Variants in IMPDH1 observed in about 807,000 individuals in gnomAD.
The protein encoded by IMPDH1 is inosine monophosphate dehydrogenase 1, also known as inosine-5'-monophosphate dehydrogenase 1.
IMPDH1 carries 41 observed loss-of-function variants against 73.5 expected under a neutral mutation model. The observed-to-expected ratio is 0.56, with a 90% CI of 0.43 to 0.72. The LOEUF (loss-of-function observed/expected upper bound fraction) is 0.72. Among genes scored for constraint, IMPDH1 ranks in the 30% least tolerant of loss-of-function variants. The probability of loss-of-function intolerance (pLI) is 0.00; values close to 1 mark genes in which losing one functional copy is unlikely to be tolerated. For missense variants in IMPDH1, 645 were observed against 824.8 expected (o/e 0.78, Z 2.67); for synonymous variants, 318 against 334.3 (o/e 0.95, Z 0.53).
rs1797759633 is a variant in IMPDH1, at chr7:128,394,404, G to GGCCT, written c.1695-44_1695-43insAGGC. ...GGAGCAGATCAGGGCCACCAAGGGTGGAGAAGAGCGAGAGAAAGGAAGCAG... is the reference window on the plus strand; with the variant it reads ...GGAGCAGATCAGGGCCACCAAGGGTGGCCTGAGAAGAGCGAGAGAAAGGAAGCAG... On this transcript the variant is annotated intron_variant, in intron 15 of 16. Coordinates refer to ENST00000338791, the MANE Select transcript of IMPDH1 (RefSeq NM_000883.4). The surrounding 1 kb of genome is among the most constrained non-coding windows in gnomAD (Gnocchi z 5.5). 2 of 1,613,436 alleles carry GGCCT rather than the reference G, an allele frequency of 1.2e-6. No homozygotes were observed. The highest frequency in any genetic ancestry group is 1.7e-6 in the Non-Finnish European group (2 of 1,179,564).
intron 4 of IMPDH1, among the ~76,000 whole-genome samples, chr7:128,404,471 G>T (rs199507922): frequency 6.6e-6 from 1 of 152,292 alleles, no homozygotes; most frequent in East Asian, 1.9e-4. Context: ...ACATCTAGGT[G>T]CAGGGTCACA....
chr7:128,406,112 G>A (rs1276854737), intron 3 of IMPDH1: 1 of 135,858 alleles, frequency 7.4e-6, no homozygotes, highest in African/African-American at 2.7e-5. Flanking sequence ...GCCGCACAAA[G>A]GGCTCAGCCG....
chr7:128,399,987 C>T, intron 9 of IMPDH1, 108 bp downstream of exon 9: 1 of 903,104 alleles, frequency 1.1e-6, no homozygotes, highest in East Asian at 2.4e-5. Context: ...GAACCTTCCC[C>T]AGGGCTCAGT....
At chr7:128,406,970 G>C (rs541291839) in intron 3 of IMPDH1, among the ~76,000 whole-genome samples, 10 of 152,314 alleles carry the variant, frequency 6.6e-5, no homozygotes, top group Admixed American at 2.6e-4. Context: ...TCTACATGGG[G>C]GCAGTGACTG....
At chr7:128,402,228 G>A (rs575513350) in intron 5 of IMPDH1, among the ~76,000 whole-genome samples, 5 of 151,802 alleles carry the variant, frequency 3.3e-5, no homozygotes, top group Non-Finnish European at 5.9e-5. Context: ...TCAGCCTCCC[G>A]AGTAGCTGGG....
chr7:128,395,414 T>A, intron 12 of IMPDH1, 140 bp from the exon 13 acceptor site: 1 of 1,004,248 alleles, frequency 1.0e-6, no homozygotes, highest in Non-Finnish European at 1.5e-6. Flanking sequence ...GTCTGAGGCA[T>A]AACATAGGTG....
chr7:128,396,072 C>A lies in IMPDH1; in HGVS notation c.1261+528G>T, dbSNP rs1284207178. Among the ~76,000 whole-genome samples the A allele has an allele frequency of 2.0e-5, 3 of 152,118 alleles. No individual in the cohort carries two copies. Among genetic ancestry groups the A allele is most frequent in the African/African-American group, 7.2e-5 (3 of 41,414 alleles). ...ACCCAAGTCTTCCAGGCAGCCACCC[C>A]ACAAGTCAGATACCAGCCTCCAGGG... On this transcript the variant is annotated intron_variant, in intron 12 of 16. Coordinates refer to ENST00000338791, the MANE Select transcript of IMPDH1 (RefSeq NM_000883.4). The surrounding 1 kb of genome is among the most constrained non-coding windows in gnomAD (Gnocchi z 4.0).
intron 12 of IMPDH1, among the ~76,000 whole-genome samples, chr7:128,395,875 C>T (rs1486716338): frequency 6.6e-6 from 1 of 152,230 alleles, no homozygotes; most frequent in Non-Finnish European, 1.5e-5. Context: ...AGAGGGCCCT[C>T]ATTTCACCAT....
chr7:128,406,071 C>T (rs1413430148), intron 3 of IMPDH1: 9 of 171,368 alleles, frequency 5.3e-5, no homozygotes, highest in Non-Finnish European at 7.9e-5. Flanking sequence ...CCCTTCTCGC[C>T]CCTCCCGCGG....
Position 128,409,915 on chromosome 7 carries a change from C to G in IMPDH1, c.-14G>C. On this transcript the variant is annotated 5_prime_UTR_variant, in exon 1 of 17. Coordinates refer to ENST00000338791, the MANE Select transcript of IMPDH1 (RefSeq NM_000883.4). ...TGGCCCCTCCATGCGGAGGCCGCAGCTCAGGGCGGGCGGGAGCCTGGAGGC... is the reference window on the plus strand; with the variant it reads ...TGGCCCCTCCATGCGGAGGCCGCAGGTCAGGGCGGGCGGGAGCCTGGAGGC... 7.3e-7 allele frequency: 1 copy of G among 1,377,946 alleles called. No homozygotes were observed. The highest frequency in any genetic ancestry group is 1.7e-5 in the South Asian group (1 of 60,034). 85.4% of individuals were successfully genotyped at this position (1,377,946 alleles called of 1,614,324 possible).
intron 4 of IMPDH1, among the ~76,000 whole-genome samples, chr7:128,404,074 C>A (rs1798532589): frequency 6.6e-6 from 1 of 152,232 alleles, no homozygotes; most frequent in East Asian, 1.9e-4. Context: ...TATCGCCACA[C>A]ACAGCAGACA....
At chr7:128,402,876 C>A (rs951965110) in intron 5 of IMPDH1, among the ~76,000 whole-genome samples, 1 of 152,138 alleles carries the variant, frequency 6.6e-6, no homozygotes, top group East Asian at 1.9e-4. Flanking sequence ...CAAGGCACTG[C>A]GTTTCCTTGT....
At position 128,394,939 on chromosome 7, in the gene IMPDH1, G is replaced by A; in HGVS notation, c.1500C>T (p.Gly500=). 1 of 1,613,490 alleles carries A rather than the reference G, an allele frequency of 6.2e-7. No individual in the cohort carries two copies. The highest frequency in any genetic ancestry group is 8.5e-7 in the Non-Finnish European group (1 of 1,180,010). Residue 500 remains glycine, a synonymous_variant, in exon 14 of 17, where the codon GGC becomes GGT. Transcript: ENST00000338791. This position sits in a 1 kb window ranked among gnomAD's most constrained non-coding sequence, Gnocchi z 5.5. ...GVRLKKYRGM[G]SLDAMEKSSS... ...TGCTCTTCTCCATGGCATCCAGTGA[G>A]CCCATGCCCCGGTACTTCTTGAGCC...
In IMPDH1 at chr7:128,396,514, TG is replaced by T; in HGVS notation, c.1261+85del. On this transcript the variant is annotated intron_variant, in intron 12 of 16. Coordinates refer to ENST00000338791, the MANE Select transcript of IMPDH1 (RefSeq NM_000883.4). This position sits in a 1 kb window ranked among gnomAD's most constrained non-coding sequence, Gnocchi z 4.0. ...GAGCCTACCATGGCAGAACAGGGCC[TG>T]GCAGAGAGAGTACTTGATATACATC... 1.9e-6 allele frequency: 2 copies of T among 1,079,290 alleles called. No individual in the cohort carries two copies. The highest frequency in any genetic ancestry group is 2.8e-6 in the Non-Finnish European group (2 of 718,194). 66.9% of individuals were successfully genotyped at this position (1,079,290 alleles called of 1,614,324 possible).
Position 128,398,764 on chromosome 7 carries a change from T to C in IMPDH1, c.875-151A>G, listed in dbSNP as rs1239231710. The C allele has an allele frequency of 6.1e-6, 4 of 656,924 alleles. No individual in the cohort carries two copies. Among genetic ancestry groups the C allele is most frequent in the South Asian group, 3.3e-5 (2 of 61,446 alleles). The allele number at this position is 656,924 out of a possible 1,614,324, so 40.7% of individuals were successfully genotyped here. A position where few individuals can be genotyped will look rare whatever the true frequency, so the allele number is the denominator to read the frequency against. On this transcript the variant is annotated intron_variant, in intron 9 of 16. Coordinates refer to ENST00000338791, the MANE Select transcript of IMPDH1 (RefSeq NM_000883.4). The surrounding 1 kb of genome is among the most constrained non-coding windows in gnomAD (Gnocchi z 4.3). Reference sequence around the variant, plus strand: ...AGGTGACAGCACCGCCCCCAGGAAGTGTTCCTAGGGACCTAGCCCTCTTCC... The same window carrying C: ...AGGTGACAGCACCGCCCCCAGGAAGCGTTCCTAGGGACCTAGCCCTCTTCC...
chr7:128,398,585 A>G lies in IMPDH1; in HGVS notation c.903T>C (p.Asp301=), dbSNP rs1470890671. The G allele has an allele frequency of 2.5e-6, 4 of 1,612,444 alleles. No homozygotes were observed. Among genetic ancestry groups the G allele is most frequent in the Non-Finnish European group, 3.4e-6 (4 of 1,178,632 alleles). The change falls in exon 10 of 17, where the codon GAT becomes GAC. Residue 301 remains aspartate (D), a synonymous_variant. Coordinates refer to ENST00000338791, the MANE Select transcript of IMPDH1 (RefSeq NM_000883.4). This position sits in a 1 kb window ranked among gnomAD's most constrained non-coding sequence, Gnocchi z 4.3. ...TGCGGGCGATGATGGCCACCAGCTC[A>G]TCGCAATCATTGACGATAGGCAGCT... ...KGKLPIVNDC[D]ELVAIIARTD... is the part of the protein sequence containing the mutation.
chr7:128,398,698 A>T lies in IMPDH1; in HGVS notation c.875-85T>A. On this transcript the variant is annotated intron_variant, in intron 9 of 16. Coordinates refer to ENST00000338791, the MANE Select transcript of IMPDH1 (RefSeq NM_000883.4). The surrounding 1 kb of genome is among the most constrained non-coding windows in gnomAD (Gnocchi z 4.3). ...TTTAGGAGGGTGAAGATGAAAGTGG[A>T]CCACTCCAGAGATTCCACTGAAGTA... 9.0e-7 allele frequency: 1 copy of T among 1,112,638 alleles called. No individual in the cohort carries two copies. The highest frequency in any genetic ancestry group is 1.4e-6 in the Non-Finnish European group (1 of 736,926). The allele number at this position is 1,112,638 out of a possible 1,614,324, so 68.9% of individuals were successfully genotyped here. A position where few individuals can be genotyped will look rare whatever the true frequency, so the allele number is the denominator to read the frequency against.
intron 5 of IMPDH1, among the ~76,000 whole-genome samples, chr7:128,403,156 G>A (rs767148653): frequency 1.2e-4 from 18 of 152,144 alleles, no homozygotes; most frequent in Admixed American, 2.0e-4. Context: ...GAGCCACCCA[G>A]CCCTGGGCCA....
chr7:128,393,178 G>A (rs1797654568), intron 16 of IMPDH1, 150 bp from the exon 17 acceptor site: 1 of 858,086 alleles, frequency 1.2e-6, no homozygotes, highest in South Asian at 1.4e-5. Flanking sequence ...AGGAGGGCCT[G>A]GAGCAGGCCC....
Sources: gnomAD v4.1 joint callset for allele counts (sites outside exome capture counted in the v4.1 genomes callset) on GRCh38, gnomAD v4.1.1 for gene constraint, Gnocchi (gnomAD v3.1) non-coding constraint, MANE v1.5 for transcripts, NCBI Gene and HGNC (gene_info 2026-07-23, HGNC 2026-07-21) for gene names.